Variants in SGCD observed in about 807,000 individuals in gnomAD.
SGCD encodes the protein delta-sarcoglycan.
SGCD carries 18 observed loss-of-function variants against 36.6 expected under a neutral mutation model. The ratio of observed to expected loss-of-function variants is 0.49; its 90% CI spans 0.34 to 0.73. The LOEUF is 0.73. Among genes scored for constraint, SGCD ranks in the 30% least tolerant of loss-of-function variants. The pLI, the probability that SGCD is intolerant of heterozygous loss-of-function variation, is 0.01. For missense variants in SGCD, 387 were observed against 346.7 expected (o/e 1.12, Z -0.92); for synonymous variants, 133 against 130.6 (o/e 1.02, Z -0.12).
At chr5:155,839,153 G>A in the SGCD span, among the ~76,000 whole-genome samples, 15 of 152,286 alleles carry the variant, frequency 9.8e-5, no homozygotes, top group South Asian at 3.1e-3. Context: ...AAAGAAAAAA[G>A]AGTAAAGGAA....
At chr5:156,039,081 G>A (rs534078592) in intron 1 of SGCD, among the ~76,000 whole-genome samples, 33 of 151,984 alleles carry the variant, frequency 2.2e-4, no homozygotes, top group African/African-American at 7.2e-4. Flanking sequence ...CCCCATATAC[G>A]TAAAGACATT....
In SGCD at chr5:156,318,688, C is replaced by T. The variant is rs145917764; in HGVS notation, c.-43-10846C>T. 9.9e-5 allele frequency among the ~76,000 whole-genome samples: 15 copies of T among 151,566 alleles called. No individual in the cohort carries two copies. In the East Asian group the frequency reaches 2.9e-3, roughly 29 times the overall value. On this transcript the variant is annotated intron_variant, in intron 3 of 9. Transcript: ENST00000517913. ...TTGGCTCACTGCAACCTCTACCTCT[C>T]GGGTTCAAGTGATTCTCCTGCCTCA... is the stretch of plus-strand genomic sequence containing the variant.
upstream of SGCD, among the ~76,000 whole-genome samples, chr5:155,868,115 G>A (rs150113690): frequency 6.8e-4 from 104 of 151,890 alleles, 3 homozygotes; most frequent in East Asian, 0.016. Context: ...GCAGTGGTGC[G>A]ATCATGACTC....
rs1757501299 is a variant in SGCD at position 156,761,615 on chromosome 5, A to G, written c.*2225A>G. 6.6e-6 allele frequency: 1 copy of G among 152,190 alleles called. No homozygotes were observed. Among genetic ancestry groups the G allele is most frequent in the African/African-American group, 2.4e-5 (1 of 41,436 alleles). 9.4% of individuals were successfully genotyped at this position (152,190 alleles called of 1,614,324 possible). A position where few individuals can be genotyped will look rare whatever the true frequency, so the allele number is the denominator to read the frequency against. ...AAAGTCATTTGTGGCTAGATAGGTTAAGACAGGTGATTTTTTAAAGTAGAC... is the reference window on the plus strand; with the variant it reads ...AAAGTCATTTGTGGCTAGATAGGTTGAGACAGGTGATTTTTTAAAGTAGAC... On this transcript the variant is annotated 3_prime_UTR_variant, in exon 9 of 9. Coordinates refer to ENST00000337851, the MANE Select transcript of SGCD (RefSeq NM_000337.6).
In SGCD at chr5:156,113,784, A is replaced by G. The variant is rs116427635; in HGVS notation, c.-281-4094A>G. Reference sequence around the variant, plus strand: ...AGCATGTCCTTCTTTTGATGAATGGATGAATAAGTTGTGGTACATCTGTAC... The same window carrying G: ...AGCATGTCCTTCTTTTGATGAATGGGTGAATAAGTTGTGGTACATCTGTAC... On this transcript the variant is annotated intron_variant, in intron 1 of 9. Coordinates refer to the SGCD transcript ENST00000517913. Among the ~76,000 whole-genome samples, 701 of 152,286 alleles carry G rather than the reference A, an allele frequency of 4.6e-3. 4 individuals are homozygous for G. The highest frequency in any genetic ancestry group is 0.013 in the African/African-American group (521 of 41,560).
chr5:156,439,592 GC>G (rs1753396179), intron 3 of SGCD, among the ~76,000 whole-genome samples: 2 of 152,150 alleles, frequency 1.3e-5, no homozygotes, highest in Admixed American at 1.3e-4. Flanking sequence ...ATACTGCATA[GC>G]TATTTAGGTA....
intron 6 of SGCD, among the ~76,000 whole-genome samples, chr5:156,643,360 T>C (rs1763111221): frequency 6.6e-6 from 1 of 152,094 alleles, no homozygotes; most frequent in Non-Finnish European, 1.5e-5. Context: ...CCAATTAGTG[T>C]ACACTAGTGG....
At chr5:155,775,379 A>G in the SGCD span, among the ~76,000 whole-genome samples, 2 of 152,242 alleles carry the variant, frequency 1.3e-5, no homozygotes, top group Middle Eastern at 3.4e-3. Flanking sequence ...GCATGTATTA[A>G]CTTTTTAAAT....
intron 1 of SGCD, among the ~76,000 whole-genome samples, chr5:156,061,398 C>T (rs1285976711): frequency 6.8e-6 from 1 of 145,992 alleles, no homozygotes; most frequent in Non-Finnish European, 1.5e-5. Context: ...AGGCTCCCTT[C>T]ATGGTTTCTT....
chr5:156,073,460 G>A (rs1760655179), intron 1 of SGCD, among the ~76,000 whole-genome samples: 1 of 152,152 alleles, frequency 6.6e-6, no homozygotes. Flanking sequence ...CTACCTGGAA[G>A]ACTGAGATAG....
intron 1 of SGCD, among the ~76,000 whole-genome samples, chr5:155,875,302 G>A (rs1456235326): frequency 6.6e-6 from 1 of 152,094 alleles, no homozygotes; most frequent in African/African-American, 2.4e-5. Context: ...CATCCTCCTT[G>A]TAGAATTAAT....
rs1278173959 is a variant in SGCD at position 156,759,223 on chromosome 5, T to G, written c.706T>G (p.Leu236Val). 6.2e-7 allele frequency: 1 copy of G among 1,613,412 alleles called. No homozygotes were observed. The highest frequency in any genetic ancestry group is 2.2e-5 in the East Asian group (1 of 44,860). The change falls in exon 9 of 9, where the codon TTA (leucine) becomes GTA (valine). Residue 236 changes from leucine (L) to valine (V), a missense_variant. Leu to Val is a conservative substitution (Grantham distance 32, BLOSUM62 1). Transcript: ENST00000337851. ...RLESKDGEIK[L>V]DAAKIRLPRL... is the part of the protein sequence containing the mutation. ...TCCTATTCTCTGTCTTTAGATTAAGTTAGATGCTGCGAAAATCAGGCTACC... is the reference window on the plus strand; with the variant it reads ...TCCTATTCTCTGTCTTTAGATTAAGGTAGATGCTGCGAAAATCAGGCTACC...
At chr5:156,242,229 T>A (rs1765323262) in intron 3 of SGCD, among the ~76,000 whole-genome samples, 1 of 152,128 alleles carries the variant, frequency 6.6e-6, no homozygotes, top group South Asian at 2.1e-4. Context: ...TCCAGGGAAT[T>A]TGGCTGAGTA....
chr5:155,743,068 G>A, the SGCD span, among the ~76,000 whole-genome samples: 2 of 152,148 alleles, frequency 1.3e-5, no homozygotes, highest in Non-Finnish European at 2.9e-5. Context: ...GTTCAATCCT[G>A]AAGCCCTCTG....
intron 3 of SGCD, among the ~76,000 whole-genome samples, chr5:156,310,132 A>T (rs998784751): frequency 6.6e-6 from 1 of 152,168 alleles, no homozygotes; most frequent in Non-Finnish European, 1.5e-5. Flanking sequence ...TTACCTGGGC[A>T]TGCATAATGA....
intron 1 of SGCD, among the ~76,000 whole-genome samples, chr5:155,876,276 T>A (rs971654261): frequency 2.7e-5 from 4 of 146,892 alleles, no homozygotes; most frequent in Admixed American, 1.4e-4. Flanking sequence ...TTCAAAGTTG[T>A]TTTGAAGCTT....
At chr5:156,203,968 T>G (rs1764210317) in intron 3 of SGCD, among the ~76,000 whole-genome samples, 5 of 152,164 alleles carry the variant, frequency 3.3e-5, no homozygotes, top group Admixed American at 3.3e-4. Context: ...ATATGTATCA[T>G]GTGCTAAATA....
chr5:156,256,083 G>A (rs1047829069), intron 3 of SGCD, among the ~76,000 whole-genome samples: 2 of 152,080 alleles, frequency 1.3e-5, no homozygotes, highest in African/African-American at 4.8e-5. Flanking sequence ...CATTCAAAAA[G>A]CATTTATTAA....
chr5:156,535,800 C>T (rs767640397), intron 4 of SGCD, among the ~76,000 whole-genome samples: 59 of 152,106 alleles, frequency 3.9e-4, no homozygotes, highest in Admixed American at 1.8e-3. Context: ...ATGTTATTGC[C>T]TGTCCTGTCT....
Sources: gnomAD v4.1 joint callset for allele counts (sites outside exome capture counted in the v4.1 genomes callset) on GRCh38, gnomAD v4.1.1 for gene constraint, MANE v1.5 for transcripts, NCBI Gene and HGNC (gene_info 2026-07-23, HGNC 2026-07-21) for gene names.